COMMD10: variants seen among roughly 807,000 people sequenced by gnomAD.
The protein encoded by COMMD10 is COMM domain containing 10.
In COMMD10, 33 loss-of-function variants were observed where a neutral mutation model predicts 28.9. The observed-to-expected ratio is 1.14, with a 90% CI of 0.87 to 1.53. COMMD10 has a LOEUF of 1.53. Among genes scored for constraint, COMMD10 ranks in the 40% most tolerant of loss-of-function variants. The pLI is 0.00. For missense variants in COMMD10, 310 were observed against 233.4 expected (o/e 1.33, Z -2.14); for synonymous variants, 110 against 81.7 (o/e 1.35, Z -1.87).
rs73259041 is a variant in COMMD10 at position 116,221,550 on chromosome 5, G to A, written c.511-69967G>A. Among the ~76,000 whole-genome samples the A allele has an allele frequency of 6.2e-3, 949 of 152,232 alleles. 12 individuals carry two copies. The highest frequency in any genetic ancestry group is 0.021 in the African/African-American group (874 of 41,534). ...CATTGCTAGTTAGTTACAGAACCCT[G>A]GTGAGAGCCTGTGTTTTCAAGATCT... On this transcript the variant is annotated intron_variant, in intron 5 of 6. Transcript: ENST00000274458.
At chr5:116,278,277 T>C (rs975257773) in intron 5 of COMMD10, among the ~76,000 whole-genome samples, 1 of 151,806 alleles carries the variant, frequency 6.6e-6, no homozygotes, top group Admixed American at 6.6e-5. Context: ...AATAATCATA[T>C]TCAAAACCTC....
In COMMD10 at chr5:116,211,083, C is replaced by A. The variant is rs146393366; in HGVS notation, c.510+76905C>A. Among the ~76,000 whole-genome samples the A allele has an allele frequency of 6.2e-3, 943 of 152,050 alleles. 6 individuals are homozygous for A. Among genetic ancestry groups the A allele is most frequent in the Non-Finnish European group, 0.01 (692 of 67,936 alleles). On this transcript the variant is annotated intron_variant, in intron 5 of 6. Coordinates refer to ENST00000274458, the MANE Select transcript of COMMD10 (RefSeq NM_016144.4). ...ATTTTGGAAAAAATTATAATGGAAT[C>A]ATTATATTAGAGTTCTTCAGAGAAA...
At chr5:116,216,324 C>T (rs1457822948) in intron 5 of COMMD10, among the ~76,000 whole-genome samples, 1 of 152,188 alleles carries the variant, frequency 6.6e-6, no homozygotes, top group Non-Finnish European at 1.5e-5. Flanking sequence ...ACTCATCACA[C>T]TTAGCATGTA....
At chr5:116,113,001 G>C (rs1293721072) in intron 4 of COMMD10, among the ~76,000 whole-genome samples, 2 of 152,092 alleles carry the variant, frequency 1.3e-5, no homozygotes, top group Non-Finnish European at 2.9e-5. Context: ...TTTCCTGTAG[G>C]ACTGGTCTAG....
intron 5 of COMMD10, among the ~76,000 whole-genome samples, chr5:116,286,552 G>A (rs1231380912): frequency 6.6e-6 from 1 of 151,312 alleles, no homozygotes; most frequent in Admixed American, 6.6e-5. Context: ...ATTTTGGCAT[G>A]TTGTGTTTTC....
chr5:116,290,398 TGAA>T (rs1436699923), intron 5 of COMMD10, among the ~76,000 whole-genome samples: 1 of 151,820 alleles, frequency 6.6e-6, no homozygotes, highest in African/African-American at 2.4e-5. Flanking sequence ...TGAGAGAAAA[TGAA>T]GAAGTATGGA....
chr5:116,108,109 G>C (rs1462168204), intron 4 of COMMD10, among the ~76,000 whole-genome samples: 1 of 152,180 alleles, frequency 6.6e-6, no homozygotes. Flanking sequence ...GTGTCTTTCG[G>C]CTCCCACTGT....
At chr5:116,095,150 T>G (rs1383501488) in intron 4 of COMMD10, among the ~76,000 whole-genome samples, 1 of 152,146 alleles carries the variant, frequency 6.6e-6, no homozygotes, top group East Asian at 1.9e-4. Context: ...TATTGGTCAT[T>G]TCAAAATAGC....
chr5:116,279,080 A>G (rs1272900660), intron 5 of COMMD10, among the ~76,000 whole-genome samples: 2 of 151,752 alleles, frequency 1.3e-5, no homozygotes, highest in African/African-American at 4.9e-5. Flanking sequence ...ATGCCCTAGG[A>G]TGTGCATGCA....
At chr5:116,268,435 A>G (rs1179178512) in intron 5 of COMMD10, among the ~76,000 whole-genome samples, 1 of 151,934 alleles carries the variant, frequency 6.6e-6, no homozygotes, top group African/African-American at 2.4e-5. Flanking sequence ...GGCAATCATT[A>G]AAAAGTCAGG....
intron 5 of COMMD10, among the ~76,000 whole-genome samples, chr5:116,154,841 G>A (rs1358126349): frequency 6.6e-6 from 1 of 151,858 alleles, no homozygotes; most frequent in African/African-American, 2.4e-5. Context: ...ATGGAATTTA[G>A]GGTCTCACTT....
intron 5 of COMMD10, among the ~76,000 whole-genome samples, chr5:116,169,966 A>G (rs1753266138): frequency 6.6e-6 from 1 of 152,154 alleles, no homozygotes; most frequent in South Asian, 2.1e-4. Context: ...CCTATTCATC[A>G]TAGTATGGGA....
intron 5 of COMMD10, among the ~76,000 whole-genome samples, chr5:116,221,784 T>C (rs1331184887): frequency 6.6e-6 from 1 of 152,166 alleles, no homozygotes; most frequent in Middle Eastern, 3.2e-3. Context: ...TTTATTTAAA[T>C]GAGTAGGAAG....
intron 5 of COMMD10, among the ~76,000 whole-genome samples, chr5:116,190,749 C>A (rs189586532): frequency 6.6e-6 from 1 of 152,252 alleles, no homozygotes; most frequent in East Asian, 1.9e-4. Flanking sequence ...CAACTTTAAG[C>A]TGAAATACTA....
At chr5:116,142,208 A>C (rs530250652) in intron 5 of COMMD10, among the ~76,000 whole-genome samples, 2 of 151,800 alleles carry the variant, frequency 1.3e-5, no homozygotes, top group Non-Finnish European at 2.9e-5. Flanking sequence ...GTAACAAATC[A>C]TTTTTTATAT....
At chr5:116,092,304 T>G (rs1750324048) in intron 3 of COMMD10, among the ~76,000 whole-genome samples, 1 of 152,172 alleles carries the variant, frequency 6.6e-6, no homozygotes, top group South Asian at 2.1e-4. Context: ...TTAGGATTAC[T>G]TAAAGCATAG....
At chr5:116,179,754 A>T (rs890219910) in intron 5 of COMMD10, among the ~76,000 whole-genome samples, 2 of 152,160 alleles carry the variant, frequency 1.3e-5, no homozygotes, top group East Asian at 1.9e-4. Flanking sequence ...GATAAAAATT[A>T]TATCAGTTTT....
rs543807528 is a variant in COMMD10, at chr5:116,152,459, C to A, written c.510+18281C>A. ...TAAATGTAGATAAAAAATCTGGCTA[C>A]TATATCATCATCCTCAATTTTAATA... is the stretch of plus-strand genomic sequence containing the variant. On this transcript the variant is annotated intron_variant, in intron 5 of 6. Coordinates refer to ENST00000274458, the MANE Select transcript of COMMD10 (RefSeq NM_016144.4). 7.9e-5 allele frequency among the ~76,000 whole-genome samples: 12 copies of A among 152,144 alleles called. 1 individual carries two copies. Among genetic ancestry groups the A allele is most frequent in the Middle Eastern group, 3.4e-3 (1 of 294 alleles).
intron 5 of COMMD10, among the ~76,000 whole-genome samples, chr5:116,200,906 T>A (rs1748649051): frequency 1.3e-5 from 2 of 152,164 alleles, no homozygotes; most frequent in African/African-American, 4.8e-5. Context: ...TTGGTTCTGA[T>A]GCTTGTTCTG....
Sources: allele counts gnomAD v4.1 joint callset (sites outside exome capture counted in the v4.1 genomes callset), GRCh38; gene constraint gnomAD v4.1.1; transcripts MANE v1.5; gene names NCBI Gene and HGNC (gene_info 2026-07-23, HGNC 2026-07-21).